Variants in RRBP1 observed in about 807,000 individuals in gnomAD.
RRBP1 encodes ribosome-binding protein 1.
In RRBP1, 94 loss-of-function variants were observed where a neutral mutation model predicts 165.2. The observed-to-expected ratio is 0.57, with a 90% CI of 0.48 to 0.68. RRBP1 has a LOEUF of 0.68. Ranked by LOEUF, RRBP1 falls within the 30% of genes least tolerant of loss-of-function variation. The pLI is 0.00. For missense variants in RRBP1, 1,676 were observed against 1,763.0 expected (o/e 0.95, Z 0.88); for synonymous variants, 680 against 714.5 (o/e 0.95, Z 0.77).
At chr20:17,664,443 C>T (rs1394810158) in intron 2 of RRBP1, among the ~76,000 whole-genome samples, 1 of 152,184 alleles carries the variant, frequency 6.6e-6, no homozygotes, top group African/African-American at 2.4e-5. Context: ...AGGGGGACTA[C>T]GATATTGCTA....
chr20:17,674,273 G>A (rs1473734119), intron 2 of RRBP1, among the ~76,000 whole-genome samples: 1 of 152,168 alleles, frequency 6.6e-6, no homozygotes, highest in Non-Finnish European at 1.5e-5. Context: ...GGATGGGGCT[G>A]GACGTAGTAT....
intron 2 of RRBP1, among the ~76,000 whole-genome samples, chr20:17,673,647 G>A (rs1167079615): frequency 2.0e-5 from 3 of 152,188 alleles, no homozygotes; most frequent in Non-Finnish European, 4.4e-5. Flanking sequence ...GACCTCAGGT[G>A]ATCTGCCCGC....
In RRBP1 at chr20:17,658,942, T is replaced by G; in HGVS notation, c.1566A>C (p.Thr522=). 6.2e-7 allele frequency: 1 copy of G among 1,612,946 alleles called. No homozygotes were observed. The highest frequency in any genetic ancestry group is 8.5e-7 in the Non-Finnish European group (1 of 1,179,824). Residue 522 remains threonine (T), a synonymous_variant, in exon 3 of 25, where the codon ACA becomes ACC. Transcript: ENST00000377813. ...GEGAQNQGKK[T]EGAQGKKAER... ...CTGCCTTTTTGCCCTGAGCCCCTTC[T>G]GTCTTTTTACCCTGATTCTGGGCTC...
chr20:17,616,520 A>G (rs911346), intron 21 of RRBP1, among the ~76,000 whole-genome samples: 42 of 152,228 alleles, frequency 2.8e-4, no homozygotes, highest in African/African-American at 5.1e-4. Flanking sequence ...ACCTCCCCCC[A>G]ACTCCTCCAG....
intron 7 of RRBP1, among the ~76,000 whole-genome samples, chr20:17,634,845 G>A (rs554485908): frequency 6.6e-6 from 1 of 152,336 alleles, no homozygotes; most frequent in Admixed American, 6.5e-5. Flanking sequence ...CACGTCAGAG[G>A]GAGCCATAGT....
intron 4 of RRBP1, 135 bp downstream of exon 4, chr20:17,642,844 G>T: frequency 1.0e-6 from 1 of 979,622 alleles, no homozygotes; most frequent in African/African-American, 1.6e-5. Flanking sequence ...CGATCCCTCG[G>T]GGTGGCAGAA....
At chr20:17,614,652 C>T (rs771439774) in intron 24 of RRBP1, 85 bp downstream of exon 24, 64 of 1,550,302 alleles carry the variant, frequency 4.1e-5, no homozygotes, top group Non-Finnish European at 5.3e-5. Flanking sequence ...GACGACTCCG[C>T]CCAGCTCTGC....
chr20:17,624,482 C>A, intron 13 of RRBP1, 94 bp downstream of exon 13: 1 of 818,680 alleles, frequency 1.2e-6, no homozygotes. Context: ...CGTCCTAGAG[C>A]ATCTGGTGTC....
chr20:17,620,659 C>A (rs1216523052), intron 17 of RRBP1, 56 bp downstream of exon 17: 2 of 1,334,620 alleles, frequency 1.5e-6, no homozygotes, highest in Non-Finnish European at 2.1e-6. Flanking sequence ...CCTGTCAACT[C>A]TCCCCTGGGC....
intron 19 of RRBP1, chr20:17,619,086 CTTTTTT>C (rs11300437): frequency 1.2e-5 from 2 of 160,204 alleles, no homozygotes; most frequent in Non-Finnish European, 1.3e-5. Context: ...GTGTGCCTGG[CTTTTTT>C]TTTTTTTTTT....
chr20:17,655,844 T>C (rs993869265), intron 3 of RRBP1, among the ~76,000 whole-genome samples: 11 of 152,392 alleles, frequency 7.2e-5, no homozygotes, highest in Admixed American at 5.9e-4. Context: ...ATGTGAGTTT[T>C]TGAAACTGCT....
chr20:17,615,576 G>T, intron 22 of RRBP1, 47 bp from the exon 23 acceptor site: 1 of 1,497,520 alleles, frequency 6.7e-7, no homozygotes, highest in Non-Finnish European at 9.0e-7. Flanking sequence ...CTTATAAACG[G>T]CTGTGCTGTC....
rs538712785 is a variant in RRBP1 at position 17,642,059 on chromosome 20, A to G, written c.2062-140T>C. The G allele has an allele frequency of 3.1e-6, 3 of 975,702 alleles. No individual in the cohort carries two copies. In the South Asian group the frequency reaches 4.8e-5, roughly 16 times the overall value. 60.4% of individuals were successfully genotyped at this position (975,702 alleles called of 1,614,324 possible). A position where few individuals can be genotyped will look rare whatever the true frequency, so the allele number is the denominator to read the frequency against. ...GTCAAGGGTTCCACTGGGACTCCAG[A>G]TACTTGTGGGGAAAGGCGGCCCCGC... On this transcript the variant is annotated intron_variant, in intron 4 of 24. Transcript: ENST00000377813.
At chr20:17,644,361 G>A (rs925647404) in intron 3 of RRBP1, among the ~76,000 whole-genome samples, 2 of 152,124 alleles carry the variant, frequency 1.3e-5, no homozygotes, top group Admixed American at 6.5e-5. Context: ...ACTGAAATAC[G>A]TGTATGTACA....
At chr20:17,656,014 A>G (rs1318952800) in intron 3 of RRBP1, among the ~76,000 whole-genome samples, 1 of 152,188 alleles carries the variant, frequency 6.6e-6, no homozygotes, top group Non-Finnish European at 1.5e-5. Flanking sequence ...TCTGCATAAC[A>G]AAGTTTAAGA....
rs754484734 is a variant in RRBP1 at position 17,614,229 on chromosome 20, G to A, written c.4195-9C>T. 9.3e-6 allele frequency: 15 copies of A among 1,612,852 alleles called. No homozygotes were observed. The highest frequency in any genetic ancestry group is 3.3e-5 in the Admixed American group (2 of 60,008). The stretch of plus-strand genomic sequence containing the variant: ...GAGCTGCTGCCGTCCTCCTGTGAAC[G>A]AAGGCAGGTGGCGTGAGGGGGGCTG... On this transcript the variant is annotated splice_polypyrimidine_tract_variant and intron_variant, in intron 24 of 24. Transcript: ENST00000377813.
intron 16 of RRBP1, 26 bp from the exon 17 acceptor site, chr20:17,620,833 G>T (rs1437732474): frequency 1.9e-6 from 3 of 1,558,622 alleles, no homozygotes; most frequent in Non-Finnish European, 2.6e-6. Flanking sequence ...GGTGAGGCAG[G>T]GCCCTCTCCC....
At chr20:17,619,964 A>AC (rs1382480141) in intron 18 of RRBP1, 3 of 544,164 alleles carry the variant, frequency 5.5e-6, no homozygotes, top group Non-Finnish European at 9.8e-6. Flanking sequence ...TACTTGCAAA[A>AC]GCAGGTACCA....
intron 2 of RRBP1, among the ~76,000 whole-genome samples, chr20:17,664,110 A>C (rs2036821853): frequency 6.6e-6 from 1 of 152,210 alleles, no homozygotes; most frequent in African/African-American, 2.4e-5. Context: ...AAAATAGAAC[A>C]ATTATAACCA....
Sources: allele counts gnomAD v4.1 joint callset (sites outside exome capture counted in the v4.1 genomes callset), GRCh38; gene constraint gnomAD v4.1.1; transcripts MANE v1.5; gene names NCBI Gene and HGNC (gene_info 2026-07-23, HGNC 2026-07-21).